Variants in PLEKHH2 observed in about 807,000 individuals in gnomAD.
PLEKHH2 encodes pleckstrin homology, MyTH4 and FERM domain containing H2.
PLEKHH2 carries 129 observed loss-of-function variants against 187.9 expected under a neutral mutation model. That is an observed-to-expected ratio of 0.69 (90% confidence interval 0.59 to 0.79). PLEKHH2 has a LOEUF of 0.79. Among genes scored for constraint, PLEKHH2 ranks in the 30% least tolerant of loss-of-function variants. The pLI is 0.00. For missense variants in PLEKHH2, 2,076 were observed against 1,751.2 expected, an observed-to-expected ratio of 1.19 and a Z score of -3.31; for synonymous variants, 686 against 605.6, an observed-to-expected ratio of 1.13 and a Z score of -1.95.
At chr2:43,742,460 T>G (rs1163051111) in intron 21 of PLEKHH2, among the ~76,000 whole-genome samples, 3 of 152,200 alleles carry the variant, frequency 2.0e-5, no homozygotes, top group Non-Finnish European at 2.9e-5. Context: ...TCACTGTATA[T>G]TGACTTGTGA....
chr2:43,726,323 A>C lies in PLEKHH2; in HGVS notation c.2593A>C (p.Arg865=). The change falls in exon 17 of 30, where the codon AGA becomes CGA. Residue 865 remains arginine (R), a synonymous_variant. Transcript: ENST00000282406. ...LWEAKVEEVD[R]SCDSDEDYEA... is the part of the protein sequence containing the mutation. The stretch of plus-strand genomic sequence containing the variant: ...GGAGGCTAAAGTGGAAGAGGTTGAC[A>C]GATCTTGTGATTCAGATGAAGATTA... The C allele has an allele frequency of 6.2e-7, 1 of 1,612,324 alleles. No homozygotes were observed. Among genetic ancestry groups the C allele is most frequent in the South Asian group, 1.1e-5 (1 of 91,058 alleles).
intron 3 of PLEKHH2, among the ~76,000 whole-genome samples, chr2:43,690,544 T>G (rs921226717): frequency 2.0e-5 from 3 of 152,230 alleles, no homozygotes; most frequent in African/African-American, 7.2e-5. Flanking sequence ...CAAATATTTT[T>G]TAGCTTTAAG....
intron 26 of PLEKHH2, among the ~76,000 whole-genome samples, chr2:43,758,306 G>A (rs1240790620): frequency 2.0e-5 from 3 of 152,178 alleles, no homozygotes; most frequent in African/African-American, 4.8e-5. Context: ...AGGCTGTAGT[G>A]CAATGGGGTG....
chr2:43,726,489 G>A (rs751716606), intron 17 of PLEKHH2, 38 bp downstream of exon 17: 3 of 1,495,050 alleles, frequency 2.0e-6, no homozygotes, highest in Non-Finnish European at 2.8e-6. Flanking sequence ...GAATGATGTA[G>A]ACTAATATTA....
At chr2:43,764,653 C>T (rs1236106761) in intron 29 of PLEKHH2, among the ~76,000 whole-genome samples, 2 of 152,134 alleles carry the variant, frequency 1.3e-5, no homozygotes, top group Non-Finnish European at 2.9e-5. Flanking sequence ...TAGCCCAATG[C>T]CAGGTATATA....
At chr2:43,680,281 T>C (rs960209851) in intron 3 of PLEKHH2, among the ~76,000 whole-genome samples, 10 of 152,352 alleles carry the variant, frequency 6.6e-5, no homozygotes, top group African/African-American at 2.2e-4. Flanking sequence ...GGATTTTGAA[T>C]GTTCACAACA....
Position 43,765,747 on chromosome 2 carries a change from T to A in PLEKHH2, c.*149T>A, listed in dbSNP as rs778954560. 22 of 676,776 alleles carry A rather than the reference T, an allele frequency of 3.3e-5. No homozygotes were observed. The highest frequency in any genetic ancestry group is 7.0e-5 in the Admixed American group (2 of 28,776). 41.9% of individuals were successfully genotyped at this position (676,776 alleles called of 1,614,324 possible). ...AGGGGGTTAGTCTCTTTTATTTGAT[T>A]CTTAAATATTCAAATAAATATTAAC... On this transcript the variant is annotated 3_prime_UTR_variant, in exon 30 of 30. Transcript: ENST00000282406.
chr2:43,753,749 C>A lies in PLEKHH2; in HGVS notation c.3784C>A (p.Leu1262Ile). The A allele has an allele frequency of 6.4e-7, 1 of 1,571,502 alleles. No homozygotes were observed. The highest frequency in any genetic ancestry group is 8.6e-7 in the Non-Finnish European group (1 of 1,162,992). Reference protein sequence around the residue: ...NKDLALEMAALLSQVEIGDFE... With the variant: ...NKDLALEMAAILSQVEIGDFE... ...AGATCTGGCATTAGAAATGGCAGCTCTTTTATCTCAGGTAACTTCCATGTT... is the reference window on the plus strand; with the variant it reads ...AGATCTGGCATTAGAAATGGCAGCTATTTTATCTCAGGTAACTTCCATGTT... The change falls in exon 25 of 30, where the codon CTT (leucine) becomes ATT (isoleucine). Residue 1262 changes from leucine (L) to isoleucine (I), a missense_variant. Coordinates refer to ENST00000282406, the MANE Select transcript of PLEKHH2 (RefSeq NM_172069.4).
chr2:43,685,677 A>G (rs770643858), intron 3 of PLEKHH2, among the ~76,000 whole-genome samples: 9 of 151,534 alleles, frequency 5.9e-5, no homozygotes, highest in African/African-American at 9.7e-5. Flanking sequence ...TGTCAGCTCA[A>G]GCAATCCTCC....
At chr2:43,687,300 C>T (rs571053079) in intron 3 of PLEKHH2, among the ~76,000 whole-genome samples, 1 of 152,298 alleles carries the variant, frequency 6.6e-6, no homozygotes, top group Non-Finnish European at 1.5e-5. Context: ...CCAGTTGCAT[C>T]CATGTTGCTA....
intron 3 of PLEKHH2, among the ~76,000 whole-genome samples, chr2:43,691,984 C>G (rs1243638864): frequency 6.6e-6 from 1 of 152,180 alleles, no homozygotes; most frequent in East Asian, 1.9e-4. Flanking sequence ...CTACCTATAT[C>G]TAGACTCTAA....
intron 3 of PLEKHH2, among the ~76,000 whole-genome samples, chr2:43,680,301 A>G (rs1295987307): frequency 6.6e-6 from 1 of 152,234 alleles, no homozygotes; most frequent in African/African-American, 2.4e-5. Flanking sequence ...ACAAATAAAT[A>G]GTAAATGTTT....
At chr2:43,702,840 C>T (rs1365222195) in intron 8 of PLEKHH2, among the ~76,000 whole-genome samples, 1 of 151,996 alleles carries the variant, frequency 6.6e-6, no homozygotes, top group Non-Finnish European at 1.5e-5. Context: ...TCAGCAGTAC[C>T]TCCGATAGAA....
chr2:43,644,626 A>G, intron 1 of PLEKHH2, 45 bp from the exon 2 acceptor site: 2 of 1,388,490 alleles, frequency 1.4e-6, no homozygotes, highest in East Asian at 2.5e-5. Context: ...TAGCATTTGA[A>G]TGTTTTACTT....
At chr2:43,707,645 C>T in intron 11 of PLEKHH2, 100 bp downstream of exon 11, 1 of 1,405,988 alleles carries the variant, frequency 7.1e-7, no homozygotes, top group Non-Finnish European at 9.6e-7. Flanking sequence ...AATCCAAGAA[C>T]TTGCTTCAGA....
At chr2:43,649,323 T>C (rs779528529) in intron 2 of PLEKHH2, among the ~76,000 whole-genome samples, 2 of 152,196 alleles carry the variant, frequency 1.3e-5, no homozygotes, top group African/African-American at 4.8e-5. Flanking sequence ...TGAAGTGAAA[T>C]GTTATTTCCT....
Position 43,684,774 on chromosome 2 carries a change from A to G in PLEKHH2, c.186+5849A>G, listed in dbSNP as rs551034266. On this transcript the variant is annotated intron_variant, in intron 3 of 29. Transcript: ENST00000282406. ...CTATGTGCTATATCTTTAAGCAAAA[A>G]TACACCAGGATTGGTTATTTTAGAC... Among the ~76,000 whole-genome samples, 4 of 151,886 alleles carry G rather than the reference A, an allele frequency of 2.6e-5. No individual in the cohort carries two copies. The South Asian group carries it at 8.3e-4, about 32-fold the overall frequency.
At chr2:43,725,163 G>C (rs967904368) in intron 16 of PLEKHH2, among the ~76,000 whole-genome samples, 1 of 152,156 alleles carries the variant, frequency 6.6e-6, no homozygotes, top group Non-Finnish European at 1.5e-5. Flanking sequence ...TCTGTACAGA[G>C]CAGAGTTTTT....
intron 25 of PLEKHH2, among the ~76,000 whole-genome samples, chr2:43,754,782 C>A (rs185499295): frequency 1.2e-3 from 174 of 151,236 alleles, no homozygotes; most frequent in African/African-American, 4.0e-3. Flanking sequence ...CTCAATCATT[C>A]TTTTTATTCT....
Sources: gnomAD v4.1 joint callset for allele counts (sites outside exome capture counted in the v4.1 genomes callset) on GRCh38, gnomAD v4.1.1 for gene constraint, MANE v1.5 for transcripts, NCBI Gene and HGNC (gene_info 2026-07-23, HGNC 2026-07-21) for gene names.